The following CYP24A1 variants were observed in gnomAD, a reference collection of about 807,000 sequenced individuals.
CYP24A1 encodes cytochrome P450 family 24 subfamily A member 1.
Under a neutral mutation model 62.4 loss-of-function variants are expected in CYP24A1, and 68 were observed. That is an observed-to-expected ratio of 1.09 (90% confidence interval 0.90 to 1.33). CYP24A1 has a LOEUF of 1.33. Ranked by LOEUF, CYP24A1 falls within the 40% of genes most tolerant of loss-of-function variation. The pLI is 0.00. For missense variants in CYP24A1, 787 were observed against 653.0 expected (o/e 1.21, Z -2.24); for synonymous variants, 267 against 253.0 (o/e 1.06, Z -0.52).
chr20:54,168,443 C>CAGCTTGTTCCAG (rs2092680138), intron 4 of CYP24A1, among the ~76,000 whole-genome samples: 1 of 152,156 alleles, frequency 6.6e-6, no homozygotes, highest in East Asian at 1.9e-4. Context: ...CACAGGCTCC[C>CAGCTTGTTCCAG]CTTCCTCCCA....
chr20:54,173,660 G>C lies in CYP24A1; in HGVS notation c.-81C>G. 1 of 944,118 alleles carries C rather than the reference G, an allele frequency of 1.1e-6. No homozygotes were observed. The highest frequency in any genetic ancestry group is 1.6e-6 in the Non-Finnish European group (1 of 624,886). The allele number at this position is 944,118 out of a possible 1,614,324, so 58.5% of individuals were successfully genotyped here. On this transcript the variant is annotated 5_prime_UTR_variant, in exon 1 of 12. Coordinates refer to ENST00000216862, the MANE Select transcript of CYP24A1 (RefSeq NM_000782.5). The surrounding 1 kb of genome is among the most constrained non-coding windows in gnomAD (Gnocchi z 7.2). ...GGTACGAGGTGCTAGTGGGAGTCGG[G>C]GCTTAACGATTCTGGGAAAAGGAAG...
intron 7 of CYP24A1, among the ~76,000 whole-genome samples, chr20:54,160,761 T>C (rs1012129582): frequency 4.6e-5 from 7 of 152,164 alleles, no homozygotes; most frequent in African/African-American, 1.7e-4. Flanking sequence ...TCACCGCAAG[T>C]ACCAAATAGA....
intron 11 of CYP24A1, 87 bp from the exon 12 acceptor site, chr20:54,154,848 A>C (rs1381975150): frequency 6.9e-6 from 1 of 144,568 alleles, no homozygotes; most frequent in Non-Finnish European, 1.5e-5. Flanking sequence ...AAGCTGTTGT[A>C]TGGTGTGGTG....
In CYP24A1 at chr20:54,173,265, C is replaced by A. The variant is rs546108139; in HGVS notation, c.258+57G>T. 152 of 1,553,426 alleles carry A rather than the reference C, an allele frequency of 9.8e-5. 1 individual carries two copies. In the South Asian group the frequency reaches 1.6e-3, roughly 16 times the overall value. ...CGCGCATGTCGGGGAGGGTTTGGAG[C>A]GCCACTGGGAGGGCGGAAGAGGGAG... On this transcript the variant is annotated intron_variant, in intron 1 of 11. Transcript: ENST00000216862. This position sits in a 1 kb window ranked among gnomAD's most constrained non-coding sequence, Gnocchi z 7.2.
At chr20:54,162,582 G>A (rs2092656442) in intron 7 of CYP24A1, 135 bp downstream of exon 7, 1 of 736,010 alleles carries the variant, frequency 1.4e-6, no homozygotes, top group Non-Finnish European at 2.5e-6. Context: ...CATCTAGTAT[G>A]AGACTTTTCA....
In CYP24A1 at chr20:54,154,628, G is replaced by A. The variant is rs2092620324; in HGVS notation, c.*144C>T. 1 of 155,330 alleles carries A rather than the reference G, an allele frequency of 6.4e-6. No homozygotes were observed. The highest frequency in any genetic ancestry group is 2.4e-5 in the African/African-American group (1 of 41,610). The allele number at this position is 155,330 out of a possible 1,614,324, so 9.6% of individuals were successfully genotyped here. Reference sequence around the variant, plus strand: ...AGATGCAAGACAGAACAGGCTCCCAGGCCATTCTAAGCACCTGAAGATGGT... The same window carrying A: ...AGATGCAAGACAGAACAGGCTCCCAAGCCATTCTAAGCACCTGAAGATGGT... On this transcript the variant is annotated 3_prime_UTR_variant, in exon 12 of 12. Transcript: ENST00000216862.
Position 54,173,505 on chromosome 20 carries a change from C to T in CYP24A1, c.75G>A (p.Pro25=). 1 of 1,567,774 alleles carries T rather than the reference C, an allele frequency of 6.4e-7. No individual in the cohort carries two copies. Residue 25 remains proline, a synonymous_variant, in exon 1 of 12, where the codon CCG becomes CCA. Transcript: ENST00000216862. This position sits in a 1 kb window ranked among gnomAD's most constrained non-coding sequence, Gnocchi z 7.2. ...LQQLRSPRQP[P]RLVTSTAYTS... is the part of the protein sequence containing the mutation. ...TGTACGCCGTAGATGTCACCAGTCT[C>T]GGGGGCTGCCTCGGACTGCGCAGCT...
intron 6 of CYP24A1, 28 bp downstream of exon 6, chr20:54,164,424 T>C: frequency 6.2e-7 from 1 of 1,613,990 alleles, no homozygotes; most frequent in South Asian, 1.1e-5. Flanking sequence ...GGGCTGGTTC[T>C]GGCTGGTTGT....
chr20:54,173,200 C>G lies in CYP24A1; in HGVS notation c.259-101G>C, dbSNP rs535463249. 60 of 1,532,252 alleles carry G rather than the reference C, an allele frequency of 3.9e-5. No homozygotes were observed. In the African/African-American group the frequency reaches 8.1e-4, roughly 21 times the overall value. 94.9% of individuals were successfully genotyped at this position (1,532,252 alleles called of 1,614,324 possible). A position where few individuals can be genotyped will look rare whatever the true frequency, so the allele number is the denominator to read the frequency against. On this transcript the variant is annotated intron_variant, in intron 1 of 11. Coordinates refer to ENST00000216862, the MANE Select transcript of CYP24A1 (RefSeq NM_000782.5). This position sits in a 1 kb window ranked among gnomAD's most constrained non-coding sequence, Gnocchi z 7.2. ...TCCTTCCTCCTAGGGGACCGGGGAC[C>G]CTCCCTGCCCAGACGCCGAAGCGCA... is the stretch of plus-strand genomic sequence containing the variant.
intron 4 of CYP24A1, among the ~76,000 whole-genome samples, chr20:54,168,786 C>G (rs1346058957): frequency 9.3e-6 from 1 of 107,344 alleles, no homozygotes; most frequent in Admixed American, 8.8e-5. Context: ...TTCCCTCCCT[C>G]CCTTCTGCCT....
At position 54,173,462 on chromosome 20, in the gene CYP24A1, C is replaced by T. The variant is rs1279126895; in HGVS notation, c.118G>A (p.Glu40Lys). The change falls in exon 1 of 12, where the codon GAG (glutamate) becomes AAG (lysine). Residue 40 changes from glutamate to lysine, a missense_variant. Transcript: ENST00000216862. The surrounding 1 kb of genome is among the most constrained non-coding windows in gnomAD (Gnocchi z 7.2). ...GCTGTCAGCGGGCAGACTGGCACCT[C>T]TCGCGGCTGAGGGGACGTGTACGCC... Reference protein sequence around the residue: ...STAYTSPQPREVPVCPLTAGG... With the variant: ...STAYTSPQPRKVPVCPLTAGG... 2 of 1,567,232 alleles carry T rather than the reference C, an allele frequency of 1.3e-6. No individual in the cohort carries two copies. Among genetic ancestry groups the T allele is most frequent in the Non-Finnish European group, 1.7e-6 (2 of 1,156,114 alleles).
intron 6 of CYP24A1, among the ~76,000 whole-genome samples, chr20:54,163,093 A>C (rs1275727675): frequency 1.3e-5 from 2 of 152,236 alleles, no homozygotes; most frequent in African/African-American, 4.8e-5. Context: ...GATAGGAGTC[A>C]CCTAGGCATC....
At chr20:54,165,497 C>T (rs772455946) in intron 5 of CYP24A1, among the ~76,000 whole-genome samples, 29 of 152,208 alleles carry the variant, frequency 1.9e-4, no homozygotes, top group Admixed American at 9.2e-4. Context: ...CCTGCCCCAC[C>T]ACCCTGCCCT....
At chr20:54,159,684 C>A (rs894363007) in intron 7 of CYP24A1, among the ~76,000 whole-genome samples, 25 of 152,134 alleles carry the variant, frequency 1.6e-4, no homozygotes, top group African/African-American at 5.8e-4. Context: ...CCAACTGTGC[C>A]TGACCTAAAA....
chr20:54,151,110 G>T (rs891468721), downstream of CYP24A1, among the ~76,000 whole-genome samples: 6 of 152,282 alleles, frequency 3.9e-5, no homozygotes, highest in African/African-American at 1.4e-4. Context: ...AGCATGGGCT[G>T]CTTGATTGAG....
chr20:54,172,780 C>T (rs2092698268), intron 2 of CYP24A1, 129 bp downstream of exon 2: 3 of 1,548,392 alleles, frequency 1.9e-6, no homozygotes, highest in Non-Finnish European at 2.6e-6. Context: ...GGGAGAGGGG[C>T]TTTGGTATCC....
At position 54,172,937 on chromosome 20, in the gene CYP24A1, G is replaced by C. The variant is rs762052884; in HGVS notation, c.421C>G (p.Arg141Gly). Residue 141 changes from arginine (R) to glycine (G), a missense_variant, in exon 2 of 12, where the codon CGC becomes GGC. Coordinates refer to ENST00000216862, the MANE Select transcript of CYP24A1 (RefSeq NM_000782.5). ...ATCAGCAGCCCGTAGCCTTCTTTGC[G>C]GTAGTCGCGATAGGCCTTCCACGGT... ...IKPWKAYRDYRKEGYGLLILE... is the reference protein window; with the variant it reads ...IKPWKAYRDYGKEGYGLLILE... The C allele has an allele frequency of 1.9e-6, 3 of 1,613,692 alleles. No individual in the cohort carries two copies. The highest frequency in any genetic ancestry group is 1.3e-5 in the African/African-American group (1 of 74,924).
intron 4 of CYP24A1, among the ~76,000 whole-genome samples, chr20:54,168,235 C>A (rs1465491423): frequency 2.0e-5 from 3 of 152,216 alleles, no homozygotes; most frequent in Non-Finnish European, 4.4e-5. Flanking sequence ...CCCACCTGAT[C>A]ACAGCTGCCT....
At chr20:54,145,551 A>T in the CYP24A1 span, among the ~76,000 whole-genome samples, 5 of 150,970 alleles carry the variant, frequency 3.3e-5, no homozygotes, top group African/African-American at 1.2e-4. Context: ...GAGGCAGGAG[A>T]ATCTCTTGTA....
Sources: gnomAD v4.1 joint callset for allele counts (sites outside exome capture counted in the v4.1 genomes callset) on GRCh38, gnomAD v4.1.1 for gene constraint, Gnocchi (gnomAD v3.1) non-coding constraint, MANE v1.5 for transcripts, NCBI Gene and HGNC (gene_info 2026-07-23, HGNC 2026-07-21) for gene names.